GK5: variants seen among roughly 807,000 people sequenced by gnomAD.
The protein encoded by GK5 is ATP:glycerol 3-phosphotransferase 5.
GK5 carries 39 observed loss-of-function variants against 77.3 expected under a neutral mutation model. That is an observed-to-expected ratio of 0.50 (90% CI 0.39 to 0.66). The LOEUF (loss-of-function observed/expected upper bound fraction) is 0.66. Ranked by LOEUF, GK5 falls within the 30% of genes least tolerant of loss-of-function variation. The probability of loss-of-function intolerance (pLI) is 0.00; values close to 1 mark genes in which losing one functional copy is unlikely to be tolerated. For synonymous variants in GK5, 211 were observed against 208.0 expected (o/e 1.01, Z -0.13); for missense variants, 487 against 633.8 (o/e 0.77, Z 2.49).
intron 5 of GK5, among the ~76,000 whole-genome samples, chr3:142,188,693 T>C (rs1480400795): frequency 2.0e-5 from 3 of 152,262 alleles, no homozygotes; most frequent in East Asian, 1.9e-4. Context: ...ATGAAAATTA[T>C]ATGAAACTCA....
Position 142,164,731 on chromosome 3 carries a change from G to C in GK5, c.*891C>G, listed in dbSNP as rs1254790283. The C allele has an allele frequency of 6.6e-6, 1 of 152,186 alleles. No individual in the cohort carries two copies. The highest frequency in any genetic ancestry group is 1.5e-5 in the Non-Finnish European group (1 of 68,022). 9.4% of individuals were successfully genotyped at this position (152,186 alleles called of 1,614,324 possible). On this transcript the variant is annotated 3_prime_UTR_variant, in exon 16 of 16. Coordinates refer to ENST00000392993, the MANE Select transcript of GK5 (RefSeq NM_001039547.3). ...AGGGCACTTCTTCAAATTAAGCTCT[G>C]TCAATTAGGCACTTAATAAAAACAA...
At chr3:142,207,536 T>C (rs1052545807) in intron 3 of GK5, among the ~76,000 whole-genome samples, 1 of 151,562 alleles carries the variant, frequency 6.6e-6, no homozygotes, top group African/African-American at 2.4e-5. Context: ...TACTTCTACA[T>C]ACAAATGTAC....
chr3:142,224,054 G>A (rs1218248122), intron 1 of GK5, among the ~76,000 whole-genome samples: 3 of 152,058 alleles, frequency 2.0e-5, no homozygotes, highest in South Asian at 2.1e-4. Flanking sequence ...TGATGGCTCC[G>A]GCCCTCCCTC....
chr3:142,186,983 T>A (rs1259651181), intron 6 of GK5, among the ~76,000 whole-genome samples: 1 of 152,136 alleles, frequency 6.6e-6, no homozygotes, highest in Non-Finnish European at 1.5e-5. Flanking sequence ...CCACTTAATA[T>A]TTATGAACTT....
chr3:142,173,670 C>A (rs2063570104), intron 12 of GK5, among the ~76,000 whole-genome samples: 1 of 151,078 alleles, frequency 6.6e-6, no homozygotes, highest in African/African-American at 2.4e-5. Context: ...GGCAACAGAG[C>A]AAGACTCCGT....
At chr3:142,190,652 A>G (rs1205093324) in intron 5 of GK5, among the ~76,000 whole-genome samples, 1 of 152,214 alleles carries the variant, frequency 6.6e-6, no homozygotes, top group Non-Finnish European at 1.5e-5. Context: ...ATTCATAATA[A>G]AAAGTGTCAG....
intron 10 of GK5, among the ~76,000 whole-genome samples, chr3:142,182,069 G>A (rs1000004815): frequency 2.0e-5 from 3 of 152,084 alleles, no homozygotes; most frequent in Non-Finnish European, 2.9e-5. Context: ...TCCTAGTTAG[G>A]GGAAAAAGAA....
chr3:142,181,666 G>T, intron 10 of GK5, 101 bp from the exon 11 acceptor site: 1 of 752,492 alleles, frequency 1.3e-6, no homozygotes. Flanking sequence ...ACTGCAAAGT[G>T]CCTCTGAAGT....
In GK5 at chr3:142,159,028, A is replaced by G. The variant is rs1490780542; in HGVS notation, c.*6594T>C. On this transcript the variant is annotated 3_prime_UTR_variant, in exon 16 of 16. Coordinates refer to ENST00000392993, the MANE Select transcript of GK5 (RefSeq NM_001039547.3). The stretch of plus-strand genomic sequence containing the variant: ...CATAAACCACTGGACTGACTTTTAA[A>G]AACTTTAAAAAAGATATTTAAAGAT... 1 of 152,196 alleles carries G rather than the reference A, an allele frequency of 6.6e-6. No individual in the cohort carries two copies. The highest frequency in any genetic ancestry group is 1.5e-5 in the Non-Finnish European group (1 of 68,030). 9.4% of individuals were successfully genotyped at this position (152,196 alleles called of 1,614,324 possible).
At position 142,211,761 on chromosome 3, in the gene GK5, T is replaced by C. The variant is rs572464035; in HGVS notation, c.317+1765A>G. 1.3e-3 allele frequency among the ~76,000 whole-genome samples: 198 copies of C among 152,266 alleles called. 1 individual carries two copies. Among genetic ancestry groups the C allele is most frequent in the African/African-American group, 4.7e-3 (195 of 41,558 alleles). ...GTGAGCTATGATCGTGCCACTGCAC[T>C]CCAGCCTAGGTAGCAAAGTGAAGAC... is the stretch of plus-strand genomic sequence containing the variant. On this transcript the variant is annotated intron_variant, in intron 3 of 15. Coordinates refer to ENST00000392993, the MANE Select transcript of GK5 (RefSeq NM_001039547.3).
At position 142,159,853 on chromosome 3, in the gene GK5, C is replaced by CTCCCTCTTTTTTTT. The variant is rs1553825247; in HGVS notation, c.*5768_*5769insAAAAAAAAGAGGGA. 1 of 106,124 alleles carries CTCCCTCTTTTTTTT rather than the reference C, an allele frequency of 9.4e-6. No homozygotes were observed. 6.6% of individuals were successfully genotyped at this position (106,124 alleles called of 1,614,324 possible). A position where few individuals can be genotyped will look rare whatever the true frequency, so the allele number is the denominator to read the frequency against. ...TTTCTCTCTCTCTCTCTCTCTCTCT[C>CTCCCTCTTTTTTTT]TTTTTTTTTTTTGAGACAGAGTCTC... On this transcript the variant is annotated 3_prime_UTR_variant, in exon 16 of 16. Transcript: ENST00000392993.
chr3:142,210,854 T>A (rs2064180322), intron 3 of GK5, among the ~76,000 whole-genome samples: 1 of 152,364 alleles, frequency 6.6e-6, no homozygotes, highest in East Asian at 1.9e-4. Context: ...CAGGTCCTGA[T>A]GAAAGCAATC....
intron 9 of GK5, among the ~76,000 whole-genome samples, chr3:142,184,294 A>G (rs1157282783): frequency 6.8e-6 from 1 of 146,408 alleles, no homozygotes; most frequent in African/African-American, 2.5e-5. Flanking sequence ...AAAGAAAATA[A>G]GAATAAAAAT....
At chr3:142,172,546 C>T (rs952272443) in intron 12 of GK5, 90 bp from the exon 13 acceptor site, 4 of 548,956 alleles carry the variant, frequency 7.3e-6, no homozygotes, top group South Asian at 7.6e-5. Flanking sequence ...AACATAGCCA[C>T]GTTAGAAGAA....
At chr3:142,173,250 T>C in intron 12 of GK5, 1 of 412,278 alleles carries the variant, frequency 2.4e-6, no homozygotes, top group East Asian at 7.1e-5. Flanking sequence ...CTTAATAGCC[T>C]TACTGCCTAA....
chr3:142,216,245 C>T (rs994521800), intron 1 of GK5, among the ~76,000 whole-genome samples: 1 of 152,094 alleles, frequency 6.6e-6, no homozygotes, highest in Non-Finnish European at 1.5e-5. Flanking sequence ...ATCCTGAAAA[C>T]CAGAACTGGG....
chr3:142,224,993 C>G (rs1267981530), intron 1 of GK5, among the ~76,000 whole-genome samples: 1 of 152,240 alleles, frequency 6.6e-6, no homozygotes, highest in Non-Finnish European at 1.5e-5. Flanking sequence ...GGCGAGTCAC[C>G]TCAGTCCCAT....
At chr3:142,173,079 T>C (rs1204386635) in intron 12 of GK5, 1 of 363,892 alleles carries the variant, frequency 2.7e-6, no homozygotes. Context: ...TACACACCTG[T>C]AGTTACAGCT....
intron 15 of GK5, among the ~76,000 whole-genome samples, chr3:142,168,644 C>T (rs73872584): frequency 0.063 from 9,512 of 151,984 alleles, 998 homozygotes; most frequent in African/African-American, 0.22. Context: ...GACATGCCTA[C>T]TTTCATTCTT....
Sources: gnomAD v4.1 joint callset for allele counts (sites outside exome capture counted in the v4.1 genomes callset) on GRCh38, gnomAD v4.1.1 for gene constraint, MANE v1.5 for transcripts, NCBI Gene and HGNC (gene_info 2026-07-23, HGNC 2026-07-21) for gene names.